Variants in ZBBX observed in about 807,000 individuals in gnomAD.
ZBBX encodes the protein zinc finger B-box domain-containing protein 1.
Under a neutral mutation model 108.5 loss-of-function variants are expected in ZBBX, and 101 were observed. The ratio of observed to expected loss-of-function variants is 0.93; its 90% CI spans 0.79 to 1.10. ZBBX has a LOEUF of 1.10. Ranked by LOEUF, ZBBX falls within the 50% of genes least tolerant of loss-of-function variation. The probability of loss-of-function intolerance (pLI) is 0.00; values close to 1 mark genes in which losing one functional copy is unlikely to be tolerated. For synonymous variants in ZBBX, 356 were observed against 323.4 expected, an observed-to-expected ratio of 1.10 and a Z score of -1.08; for missense variants, 1,009 against 941.4, an observed-to-expected ratio of 1.07 and a Z score of -0.94.
intron 4 of ZBBX, 35 bp downstream of exon 4, chr3:167,372,799 T>C (rs1344251467): frequency 4.5e-6 from 5 of 1,108,350 alleles, no homozygotes; most frequent in Non-Finnish European, 6.7e-6. Context: ...GCTTTGCAAC[T>C]ATTCCTATTA....
intron 12 of ZBBX, 43 bp from the exon 13 acceptor site, chr3:167,317,640 A>G (rs1377687087): frequency 7.6e-7 from 1 of 1,322,498 alleles, no homozygotes; most frequent in South Asian, 1.3e-5. Context: ...GAAATATATT[A>G]CCTGAAACTT....
At chr3:167,320,181 C>T (rs1248390147) in intron 12 of ZBBX, among the ~76,000 whole-genome samples, 1 of 144,786 alleles carries the variant, frequency 6.9e-6, no homozygotes, top group Non-Finnish European at 1.5e-5. Context: ...AATTCCTTGG[C>T]TTGGGCAGGG....
intron 16 of ZBBX, among the ~76,000 whole-genome samples, chr3:167,307,159 C>A: frequency 6.8e-6 from 1 of 146,196 alleles, no homozygotes; most frequent in East Asian, 1.9e-4. Context: ...TATAACAAAC[C>A]CAGAGCCAAC....
At chr3:167,251,449 G>C (rs934256589) in intron 20 of ZBBX, among the ~76,000 whole-genome samples, 47 of 152,156 alleles carry the variant, frequency 3.1e-4, no homozygotes, top group Non-Finnish European at 8.8e-5. Flanking sequence ...CGTGGAGTTG[G>C]AGCCCCACAG....
chr3:167,215,632 G>C, the ZBBX span, among the ~76,000 whole-genome samples: 1 of 152,082 alleles, frequency 6.6e-6, no homozygotes, highest in African/African-American at 2.4e-5. Context: ...CTTTCTGTGA[G>C]GCCAGCATCA....
At chr3:167,359,763 A>T in intron 8 of ZBBX, 107 bp downstream of exon 8, 1 of 455,670 alleles carries the variant, frequency 2.2e-6, no homozygotes, top group Non-Finnish European at 3.7e-6. Flanking sequence ...ATGGCTACCA[A>T]GCAAGTTAAG....
intron 2 of ZBBX, among the ~76,000 whole-genome samples, chr3:167,375,787 G>T (rs1169020938): frequency 6.6e-6 from 1 of 151,686 alleles, no homozygotes; most frequent in Non-Finnish European, 1.5e-5. Context: ...CATTTTGGAG[G>T]AAATTCTCTA....
At chr3:167,310,888 G>A (rs1734462298) in intron 16 of ZBBX, among the ~76,000 whole-genome samples, 1 of 152,120 alleles carries the variant, frequency 6.6e-6, no homozygotes, top group African/African-American at 2.4e-5. Flanking sequence ...TCATGGATGG[G>A]AAGATTTAAT....
intron 9 of ZBBX, among the ~76,000 whole-genome samples, chr3:167,334,855 C>T (rs1237707752): frequency 6.6e-6 from 1 of 152,110 alleles, no homozygotes; most frequent in Non-Finnish European, 1.5e-5. Context: ...CCTTCACTAT[C>T]CAAAGGGGTA....
chr3:167,261,037 C>T (rs532599065), intron 20 of ZBBX, among the ~76,000 whole-genome samples: 1 of 152,206 alleles, frequency 6.6e-6, no homozygotes, highest in Non-Finnish European at 1.5e-5. Flanking sequence ...TGATGTAGTA[C>T]TCTCCCCCTA....
chr3:167,359,052 A>G (rs536694178), intron 8 of ZBBX, among the ~76,000 whole-genome samples: 1 of 152,188 alleles, frequency 6.6e-6, no homozygotes, highest in South Asian at 2.1e-4. Context: ...AAATATTGAA[A>G]CAACCCAAAT....
chr3:167,336,617 T>G (rs151255072), intron 9 of ZBBX, among the ~76,000 whole-genome samples: 2,120 of 152,266 alleles, frequency 0.014, 25 homozygotes, highest in South Asian at 0.026. Context: ...AAATTATCTA[T>G]TCTAGCTTAA....
chr3:167,318,658 A>G (rs1735874511), intron 12 of ZBBX, among the ~76,000 whole-genome samples: 1 of 151,994 alleles, frequency 6.6e-6, no homozygotes, highest in Non-Finnish European at 1.5e-5. Context: ...GAAAAAGGCA[A>G]TTAACAGATA....
At chr3:167,200,312 CAT>C in the ZBBX span, among the ~76,000 whole-genome samples, 2 of 152,102 alleles carry the variant, frequency 1.3e-5, no homozygotes, top group African/African-American at 4.8e-5. Flanking sequence ...CCAAATGTTA[CAT>C]GAGACATAAT....
chr3:167,232,089 T>G, the ZBBX span, among the ~76,000 whole-genome samples: 1 of 151,746 alleles, frequency 6.6e-6, no homozygotes, highest in African/African-American at 2.4e-5. Flanking sequence ...TCTCAGTGAA[T>G]CAGATACTTT....
At chr3:167,273,242 C>T (rs555621834) in intron 20 of ZBBX, among the ~76,000 whole-genome samples, 111 of 152,272 alleles carry the variant, frequency 7.3e-4, no homozygotes, top group Non-Finnish European at 1.4e-3. Context: ...AAGATGTAAA[C>T]GCCTGGTTGG....
chr3:167,291,304 A>G (rs965478297), intron 18 of ZBBX, among the ~76,000 whole-genome samples: 7 of 152,022 alleles, frequency 4.6e-5, no homozygotes, highest in African/African-American at 7.2e-5. Context: ...GGGCAGCCAG[A>G]GAGAAAGGTT....
chr3:167,331,046 C>G (rs1007547931), intron 10 of ZBBX, among the ~76,000 whole-genome samples: 2 of 149,788 alleles, frequency 1.3e-5, no homozygotes, highest in Admixed American at 1.3e-4. Context: ...ATCTAAAAGC[C>G]AGGAAGTAAA....
At chr3:167,196,933 C>T in the ZBBX span, among the ~76,000 whole-genome samples, 124 of 152,260 alleles carry the variant, frequency 8.1e-4, no homozygotes, top group Non-Finnish European at 1.4e-3. Flanking sequence ...AGAGTAGCTA[C>T]TCCAAGCATC....
Sources: gnomAD v4.1 joint callset for allele counts (sites outside exome capture counted in the v4.1 genomes callset) on GRCh38, gnomAD v4.1.1 for gene constraint, MANE v1.5 for transcripts, NCBI Gene and HGNC (gene_info 2026-07-23, HGNC 2026-07-21) for gene names.